The following MTMR6 variants were observed in gnomAD, a reference collection of about 807,000 sequenced individuals.
The protein encoded by MTMR6 is phosphatidylinositol-3,5-bisphosphate 3-phosphatase MTMR6.
MTMR6 carries 47 observed loss-of-function variants against 80.1 expected under a neutral mutation model. The ratio of observed to expected loss-of-function variants is 0.59; its 90% CI spans 0.46 to 0.75. The LOEUF is 0.75. Among genes scored for constraint, MTMR6 ranks in the 30% least tolerant of loss-of-function variants. The probability of loss-of-function intolerance (pLI) is 0.00; values close to 1 mark genes in which losing one functional copy is unlikely to be tolerated. For missense variants in MTMR6, 629 were observed against 730.9 expected (o/e 0.86, Z 1.61); for synonymous variants, 254 against 253.0 (o/e 1.00, Z -0.04).
At chr13:25,256,383 C>T (rs2137533319) in intron 9 of MTMR6, among the ~76,000 whole-genome samples, 1 of 152,338 alleles carries the variant, frequency 6.6e-6, no homozygotes. Context: ...AGCACTCCCG[C>T]TTGGCCTGTC....
At position 25,266,108 on chromosome 13, in the gene MTMR6, TC is replaced by T. The variant is rs758896206; in HGVS notation, c.462+20del. ...CTGGTACTAACACTTTCTGAATTTC[TC>T]CAAAATGTTGTTAAGGTACCTTGTA... On this transcript the variant is annotated intron_variant, in intron 4 of 13. Coordinates refer to ENST00000381801, the MANE Select transcript of MTMR6 (RefSeq NM_004685.5). 6.2e-7 allele frequency: 1 copy of T among 1,611,434 alleles called. No homozygotes were observed. The highest frequency in any genetic ancestry group is 1.3e-5 in the African/African-American group (1 of 74,950).
At chr13:25,284,306 A>G (rs4542513) in intron 1 of MTMR6, among the ~76,000 whole-genome samples, 131,036 of 152,166 alleles carry the variant, frequency 0.86, 57,068 homozygotes, top group East Asian at 0.98. Flanking sequence ...TCTCTTGTGA[A>G]CTAATTGAGC....
At chr13:25,260,604 C>T (rs1268510765) in intron 6 of MTMR6, 1 of 1,286,618 alleles carries the variant, frequency 7.8e-7, no homozygotes, top group Non-Finnish European at 1.0e-6. Flanking sequence ...CTCTTATTTT[C>T]TCATCATTCT....
chr13:25,273,532 T>C (rs1165649383), intron 2 of MTMR6, among the ~76,000 whole-genome samples: 2 of 151,216 alleles, frequency 1.3e-5, no homozygotes, highest in East Asian at 3.9e-4. Context: ...AGGATTTTTT[T>C]TTTTTTTTTT....
At position 25,266,049 on chromosome 13, in the gene MTMR6, C is replaced by G. The variant is rs1285201539; in HGVS notation, c.462+80G>C. 7 of 1,592,472 alleles carry G rather than the reference C, an allele frequency of 4.4e-6. No individual in the cohort carries two copies. In the African/African-American group the frequency reaches 8.1e-5, roughly 18 times the overall value. ...TGCAAGAACAGCACATTTCAGTACACAGACAACTTGCTACGCTGACACTCT... is the reference window on the plus strand; with the variant it reads ...TGCAAGAACAGCACATTTCAGTACAGAGACAACTTGCTACGCTGACACTCT... On this transcript the variant is annotated intron_variant, in intron 4 of 13. Coordinates refer to ENST00000381801, the MANE Select transcript of MTMR6 (RefSeq NM_004685.5).
intron 1 of MTMR6, among the ~76,000 whole-genome samples, chr13:25,280,682 T>C (rs9553575): frequency 0.94 from 142,330 of 152,182 alleles, 67,290 homozygotes; most frequent in East Asian, 1. Context: ...CAATTCTTTC[T>C]GGTCACTAAC....
intron 1 of MTMR6, among the ~76,000 whole-genome samples, chr13:25,282,340 A>G (rs1398727393): frequency 6.6e-6 from 1 of 152,148 alleles, no homozygotes; most frequent in Admixed American, 6.5e-5. Context: ...TATCCACAGC[A>G]TTTACCACCA....
chr13:25,262,227 T>G (rs892013311), intron 5 of MTMR6, among the ~76,000 whole-genome samples: 4 of 152,210 alleles, frequency 2.6e-5, no homozygotes, highest in Non-Finnish European at 5.9e-5. Context: ...TTTTAAGATC[T>G]CTAATTAGAA....
intron 2 of MTMR6, among the ~76,000 whole-genome samples, chr13:25,271,909 G>A (rs1957585413): frequency 6.6e-6 from 1 of 152,178 alleles, no homozygotes; most frequent in Non-Finnish European, 1.5e-5. Context: ...CAAGTTGGGA[G>A]GGTATGCTCT....
intron 1 of MTMR6, among the ~76,000 whole-genome samples, chr13:25,286,355 G>C (rs1170507667): frequency 6.6e-6 from 1 of 152,214 alleles, no homozygotes; most frequent in Non-Finnish European, 1.5e-5. Context: ...AAAACGTCAA[G>C]AGGCTGCCTT....
At chr13:25,258,386 G>A (rs1356655324) in intron 7 of MTMR6, among the ~76,000 whole-genome samples, 174 bp downstream of exon 7, 2 of 151,698 alleles carry the variant, frequency 1.3e-5, no homozygotes, top group African/African-American at 4.8e-5. Flanking sequence ...TTTTTATATT[G>A]ACTACATGTT....
intron 1 of MTMR6, among the ~76,000 whole-genome samples, chr13:25,285,429 A>T (rs1469420573): frequency 8.5e-6 from 1 of 117,964 alleles, no homozygotes; most frequent in Non-Finnish European, 1.6e-5. Context: ...CTGGAGGGCA[A>T]TGGCGCAATC....
At chr13:25,282,611 C>CTTTTTTCTTTTTTCT (rs1957878008) in intron 1 of MTMR6, among the ~76,000 whole-genome samples, 2 of 129,126 alleles carry the variant, frequency 1.5e-5, no homozygotes, top group East Asian at 4.2e-4. Flanking sequence ...TTTCTTTTTT[C>CTTTTTTCTTTTTTCT]TTTTTTTTTT....
At chr13:25,275,073 G>A (rs896243489) in intron 1 of MTMR6, among the ~76,000 whole-genome samples, 1 of 150,752 alleles carries the variant, frequency 6.6e-6, no homozygotes, top group African/African-American at 2.4e-5. Context: ...GCTACTGCTG[G>A]GAATCTTTGT....
Position 25,249,153 on chromosome 13 carries a change from C to A in MTMR6, c.*79G>T. On this transcript the variant is annotated 3_prime_UTR_variant, in exon 14 of 14. Coordinates refer to ENST00000381801, the MANE Select transcript of MTMR6 (RefSeq NM_004685.5). Reference sequence around the variant, plus strand: ...CCTAAAATTGTTATTAGACAAATTCCTTTTGGTTATGCTTACAGACCATCC... The same window carrying A: ...CCTAAAATTGTTATTAGACAAATTCATTTTGGTTATGCTTACAGACCATCC... The A allele has an allele frequency of 6.7e-7, 1 of 1,484,980 alleles. No individual in the cohort carries two copies. Among genetic ancestry groups the A allele is most frequent in the East Asian group, 2.3e-5 (1 of 43,578 alleles). The allele number at this position is 1,484,980 out of a possible 1,614,324, so 92.0% of individuals were successfully genotyped here.
At position 25,265,694 on chromosome 13, in the gene MTMR6, T is replaced by G. The variant is rs191057865; in HGVS notation, c.591+125A>C. ...TTGCAGTGAGCCAAGATGGTGCCAC[T>G]GCACTCCAGCTTCGGCAACAGAGCG... On this transcript the variant is annotated intron_variant, in intron 5 of 13. Transcript: ENST00000381801. 66 of 1,074,854 alleles carry G rather than the reference T, an allele frequency of 6.1e-5. No individual in the cohort carries two copies. In the South Asian group the frequency reaches 1.1e-3, roughly 18 times the overall value. 66.6% of individuals were successfully genotyped at this position (1,074,854 alleles called of 1,614,324 possible).
chr13:25,273,744 C>G (rs1957636301), intron 2 of MTMR6, among the ~76,000 whole-genome samples: 1 of 152,110 alleles, frequency 6.6e-6, no homozygotes, highest in Admixed American at 6.5e-5. Flanking sequence ...CCAGGCTGGT[C>G]TTGAACTCCT....
In MTMR6 at chr13:25,282,356, C is replaced by T. The variant is rs574795492; in HGVS notation, c.24+4868G>A. On this transcript the variant is annotated intron_variant, in intron 1 of 13. Transcript: ENST00000381801. The stretch of plus-strand genomic sequence containing the variant: ...ATCCACAGCATTTACCACCATCTAA[C>T]ATACAATACATTGAACTTAATTTTG... 5.9e-5 allele frequency among the ~76,000 whole-genome samples: 9 copies of T among 152,326 alleles called. 2 individuals carry two copies. The Middle Eastern group carries it at 0.027, about 461-fold the overall frequency.
intron 7 of MTMR6, 50 bp downstream of exon 7, chr13:25,258,510 A>G (rs777539232): frequency 1.3e-6 from 2 of 1,491,370 alleles, no homozygotes; most frequent in African/African-American, 1.5e-5. Context: ...TGTGACTAGC[A>G]TTAGATTTCT....
Sources: allele counts gnomAD v4.1 joint callset (sites outside exome capture counted in the v4.1 genomes callset), GRCh38; gene constraint gnomAD v4.1.1; transcripts MANE v1.5; gene names NCBI Gene and HGNC (gene_info 2026-07-23, HGNC 2026-07-21).